RPS6KA1: variants seen among roughly 807,000 people sequenced by gnomAD.
RPS6KA1 encodes ribosomal protein S6 kinase A1.
A neutral mutation model predicts 91.3 loss-of-function variants in RPS6KA1; 48 were observed. The ratio of observed to expected loss-of-function variants is 0.53; its 90% CI spans 0.42 to 0.67. The LOEUF is 0.67. RPS6KA1 is among the 30% of genes least tolerant of loss of function. The probability of loss-of-function intolerance (pLI) is 0.00; values close to 1 mark genes in which losing one functional copy is unlikely to be tolerated. For synonymous variants in RPS6KA1, 359 were observed against 384.7 expected, an observed-to-expected ratio of 0.93 and a Z score of 0.78; for missense variants, 719 against 960.5, an observed-to-expected ratio of 0.75 and a Z score of 3.32.
chr1:26,537,106 G>T, intron 2 of RPS6KA1, 137 bp downstream of exon 2: 1 of 867,312 alleles, frequency 1.2e-6, no homozygotes, highest in Non-Finnish European at 1.9e-6. Context: ...CCGAATCCTT[G>T]TGGCAACCCT....
At position 26,555,590 on chromosome 1, in the gene RPS6KA1, G is replaced by C; in HGVS notation, c.881G>C (p.Arg294Pro). Residue 294 changes from arginine to proline, a missense_variant, in exon 11 of 22, where the codon CGG becomes CCG. Around this residue, in one of 5 missense-constraint regions of RPS6KA1, gnomAD observed 228 missense variants for 247.6 expected, o/e 0.92. Transcript: ENST00000374168. The surrounding 1 kb of genome is among the most constrained non-coding windows in gnomAD (Gnocchi z 4.3). Reference protein sequence around the residue: ...FLSTEAQSLLRALFKRNPANR... With the variant: ...FLSTEAQSLLPALFKRNPANR... The stretch of plus-strand genomic sequence containing the variant: ...AGCACTGAAGCCCAGAGCCTCTTGC[G>C]GGCCCTGTTCAAGCGGAATCCTGCC... 1 of 1,601,778 alleles carries C rather than the reference G, an allele frequency of 6.2e-7. No individual in the cohort carries two copies. The highest frequency in any genetic ancestry group is 1.1e-5 in the South Asian group (1 of 89,028).
intron 1 of RPS6KA1, 55 bp downstream of exon 1, chr1:26,530,038 CAG>C: frequency 8.2e-7 from 1 of 1,217,008 alleles, no homozygotes; most frequent in Non-Finnish European, 1.0e-6. Context: ...CGGATCCTCA[CAG>C]GGGCGGGGCG....
intron 1 of RPS6KA1, among the ~76,000 whole-genome samples, chr1:26,531,831 T>TC (rs1161734137): frequency 1.3e-5 from 2 of 151,912 alleles, no homozygotes; most frequent in South Asian, 2.1e-4. Context: ...TGTTGTCTGG[T>TC]CCCCCCTCCC....
Position 26,567,566 on chromosome 1 carries a change from A to G in RPS6KA1, c.1591-3883A>G, listed in dbSNP as rs2076214622. On this transcript the variant is annotated intron_variant, in intron 17 of 21. Coordinates refer to ENST00000374168, the MANE Select transcript of RPS6KA1 (RefSeq NM_002953.4). ...CGGCTAACTTTTGTATTTTTAGTAG[A>G]GACGGGGTTTCTCCATGTTGGTAAG... 3.9e-5 allele frequency among the ~76,000 whole-genome samples: 6 copies of G among 152,192 alleles called. No homozygotes were observed. The South Asian group carries it at 1.2e-3, about 32-fold the overall frequency.
intron 17 of RPS6KA1, among the ~76,000 whole-genome samples, chr1:26,562,664 T>C (rs1310364621): frequency 6.6e-6 from 1 of 152,124 alleles, no homozygotes; most frequent in Non-Finnish European, 1.5e-5. Flanking sequence ...TTAGCTTCTC[T>C]CTGCATGAGA....
chr1:26,534,893 G>A (rs1460461072), intron 1 of RPS6KA1, among the ~76,000 whole-genome samples: 1 of 152,202 alleles, frequency 6.6e-6, no homozygotes, highest in East Asian at 1.9e-4. Flanking sequence ...GATTCTACAG[G>A]CAGTGGAAGC....
At chr1:26,569,050 G>A (rs945133443) in intron 17 of RPS6KA1, among the ~76,000 whole-genome samples, 1 of 152,066 alleles carries the variant, frequency 6.6e-6, no homozygotes, top group Non-Finnish European at 1.5e-5. Context: ...AATTAGCCAG[G>A]CATGGTGGTG....
At chr1:26,548,289 C>T (rs998245939) in intron 4 of RPS6KA1, among the ~76,000 whole-genome samples, 13 of 151,818 alleles carry the variant, frequency 8.6e-5, no homozygotes, top group South Asian at 2.1e-4. Context: ...GTGGTGCAGC[C>T]GGTGCTGTGA....
chr1:26,533,265 A>G (rs572949726), intron 1 of RPS6KA1, among the ~76,000 whole-genome samples: 6 of 152,062 alleles, frequency 3.9e-5, no homozygotes, highest in Admixed American at 6.5e-5. Flanking sequence ...TTTTTAGTAG[A>G]GTCAGGTTTT....
At chr1:26,535,149 C>T (rs1312965750) in intron 1 of RPS6KA1, among the ~76,000 whole-genome samples, 1 of 152,116 alleles carries the variant, frequency 6.6e-6, no homozygotes, top group Non-Finnish European at 1.5e-5. Context: ...CCCCTGGGCC[C>T]TGACCAACCC....
Position 26,555,550 on chromosome 1 carries a change from A to G in RPS6KA1, c.841A>G (p.Met281Val). 6.3e-7 allele frequency: 1 copy of G among 1,596,182 alleles called. No homozygotes were observed. The highest frequency in any genetic ancestry group is 8.5e-7 in the Non-Finnish European group (1 of 1,170,516). The part of the protein sequence containing the change: ...MTLILKAKLG[M>V]PQFLSTEAQS... ...GGGCTGTTTCAGGGCGAAGCTAGGC[A>G]TGCCCCAGTTTCTGAGCACTGAAGC... The change falls in exon 11 of 22, where the codon ATG (methionine) becomes GTG (valine). Residue 281 changes from methionine (M) to valine (V), a missense_variant. This residue lies in a region of RPS6KA1 where 228 missense variants were observed against 247.6 expected (regional missense o/e 0.92). Coordinates refer to ENST00000374168, the MANE Select transcript of RPS6KA1 (RefSeq NM_002953.4). The surrounding 1 kb of genome is among the most constrained non-coding windows in gnomAD (Gnocchi z 4.3).
At chr1:26,569,159 G>T (rs1398849492) in intron 17 of RPS6KA1, among the ~76,000 whole-genome samples, 1 of 142,132 alleles carries the variant, frequency 7.0e-6, no homozygotes, top group East Asian at 2.4e-4. Context: ...CTGCTGGCGA[G>T]ACTCCATCTC....
intron 2 of RPS6KA1, chr1:26,543,294 C>T: frequency 1.7e-6 from 2 of 1,196,914 alleles, no homozygotes; most frequent in South Asian, 1.3e-5. Context: ...TTGGGGGTGG[C>T]TCTGTCCCTT....
rs771939760 is a variant in RPS6KA1, at chr1:26,536,996, C to T, written c.108+27C>T. The T allele has an allele frequency of 4.4e-5, 71 of 1,613,268 alleles. 4 individuals carry two copies. In the South Asian group the frequency reaches 7.1e-4, roughly 16 times the overall value. ...TGAGGACCATGGCCAGCACCCTGAG[C>T]GAGGGGCTGTGGGGGATCCTGTTTG... On this transcript the variant is annotated intron_variant, in intron 2 of 21. Transcript: ENST00000374168.
intron 1 of RPS6KA1, among the ~76,000 whole-genome samples, chr1:26,534,905 A>G (rs1344869043): frequency 1.3e-5 from 2 of 152,332 alleles, no homozygotes; most frequent in African/African-American, 2.4e-5. Context: ...AGTGGAAGCC[A>G]CAGAGGGGTT....
intron 2 of RPS6KA1, among the ~76,000 whole-genome samples, chr1:26,545,591 T>C (rs1340961960): frequency 1.3e-5 from 2 of 152,322 alleles, no homozygotes; most frequent in South Asian, 4.1e-4. Flanking sequence ...TGGGTACCTC[T>C]CTGCTGTTGG....
In RPS6KA1 at chr1:26,574,765, ATGTCCTGCTGG is replaced by A; in HGVS notation, c.*565_*575del. The A allele has an allele frequency of 3.0e-5, 8 of 266,848 alleles. No homozygotes were observed. Among genetic ancestry groups the A allele is most frequent in the Admixed American group, 1.0e-4 (2 of 19,836 alleles). The allele number at this position is 266,848 out of a possible 1,614,324, so 16.5% of individuals were successfully genotyped here. On this transcript the variant is annotated 3_prime_UTR_variant, in exon 22 of 22. Transcript: ENST00000374168. This position sits in a 1 kb window ranked among gnomAD's most constrained non-coding sequence, Gnocchi z 4.3. ...CACTTCCTGCTACAGGAGGGGTCTCATGTCCTGCTGGCTTCCAGCTTCAGGCACCAGCATCC... is the reference window on the plus strand; with the variant it reads ...CACTTCCTGCTACAGGAGGGGTCTCACTTCCAGCTTCAGGCACCAGCATCC...
At chr1:26,548,199 G>T (rs2076013968) in intron 4 of RPS6KA1, among the ~76,000 whole-genome samples, 1 of 152,160 alleles carries the variant, frequency 6.6e-6, no homozygotes. Context: ...GCTTCAGAGG[G>T]AGGAGAAAGA....
At chr1:26,569,254 G>A (rs886409964) in intron 17 of RPS6KA1, among the ~76,000 whole-genome samples, 8 of 152,072 alleles carry the variant, frequency 5.3e-5, no homozygotes, top group Admixed American at 2.6e-4. Context: ...TCCACCCGCC[G>A]AGGTGCAGTG....
Sources: allele counts gnomAD v4.1 joint callset (sites outside exome capture counted in the v4.1 genomes callset), GRCh38; gene constraint gnomAD v4.1.1; regional missense constraint gnomAD v4.1.1; non-coding constraint Gnocchi (gnomAD v3.1); transcripts MANE v1.5; gene names NCBI Gene and HGNC (gene_info 2026-07-23, HGNC 2026-07-21).